Variants in HTR2C observed in about 807,000 individuals in gnomAD.
The protein encoded by HTR2C is 5-hydroxytryptamine receptor 2C.
Under a neutral mutation model 21.0 loss-of-function variants are expected in HTR2C, and 5 were observed. The observed-to-expected ratio is 0.24, with a 90% CI of 0.12 to 0.50. The LOEUF (loss-of-function observed/expected upper bound fraction) is 0.50. HTR2C is among the 20% of genes least tolerant of loss of function. The probability of loss-of-function intolerance (pLI) is 0.98; values close to 1 mark genes in which losing one functional copy is unlikely to be tolerated. For missense variants in HTR2C, 271 were observed against 371.2 expected, an observed-to-expected ratio of 0.73 and a Z score of 2.22; for synonymous variants, 150 against 145.3, an observed-to-expected ratio of 1.03 and a Z score of -0.23.
At chrX:114,723,409 T>C (rs1341124740) in intron 2 of HTR2C, among the ~76,000 whole-genome samples, 21 of 111,446 alleles carry the variant, frequency 1.9e-4, no homozygotes, top group Admixed American at 4.8e-4. Context: ...TCTCTCTTTT[T>C]TTCTTTATTA....
intron 5 of HTR2C, among the ~76,000 whole-genome samples, chrX:114,899,505 C>G (rs1190617791): frequency 4.5e-5 from 5 of 111,217 alleles, no homozygotes; most frequent in Non-Finnish European, 9.4e-5. Context: ...ACCCAAGGCC[C>G]TGGTGGCATA....
At chrX:114,719,338 GTTAT>G (rs1933109992) in intron 2 of HTR2C, among the ~76,000 whole-genome samples, 1 of 110,820 alleles carries the variant, frequency 9.0e-6, no homozygotes, top group South Asian at 3.7e-4. Flanking sequence ...TTCAGTTTCT[GTTAT>G]TGATTGATCT....
chrX:114,737,949 A>G (rs992900373), intron 4 of HTR2C, among the ~76,000 whole-genome samples: 1 of 112,578 alleles, frequency 8.9e-6, no homozygotes, highest in South Asian at 3.6e-4. Flanking sequence ...TGATACATAA[A>G]CCAGGTAAAG....
intron 4 of HTR2C, among the ~76,000 whole-genome samples, chrX:114,738,479 C>G (rs1333327121): frequency 9.0e-6 from 1 of 111,504 alleles, no homozygotes; most frequent in Admixed American, 9.5e-5. Context: ...CCACGACCAA[C>G]TGGGTGGTCA....
chrX:114,853,629 T>A (rs1325616629), intron 5 of HTR2C, among the ~76,000 whole-genome samples: 1 of 112,022 alleles, frequency 8.9e-6, no homozygotes, highest in African/African-American at 3.2e-5. Flanking sequence ...ATGCCATCTT[T>A]ATAGTATATT....
intron 2 of HTR2C, among the ~76,000 whole-genome samples, chrX:114,722,448 T>C (rs187356897): frequency 7.2e-4 from 80 of 111,368 alleles, no homozygotes; most frequent in Admixed American, 1.9e-3. Context: ...TATACAATCA[T>C]GTCATCTGCA....
In HTR2C at chrX:114,863,614, G is replaced by C. The variant is rs147895008; in HGVS notation, c.550+15411G>C. Among the ~76,000 whole-genome samples the C allele has an allele frequency of 7.2e-5, 8 of 111,565 alleles. No homozygotes were observed. In the East Asian group the frequency reaches 2.3e-3, roughly 31 times the overall value. ...GGAGAGGAATGTGTATTCTGCTGCT[G>C]TTGGATGTAAAGTTCTGTGTATGTT... On this transcript the variant is annotated intron_variant, in intron 5 of 5. Coordinates refer to ENST00000276198, the MANE Select transcript of HTR2C (RefSeq NM_000868.4).
At chrX:114,638,645 A>G (rs1290475983) in intron 2 of HTR2C, among the ~76,000 whole-genome samples, 1 of 103,245 alleles carries the variant, frequency 9.7e-6, no homozygotes. Context: ...ATCTAGCATT[A>G]GGTATATCTC....
chrX:114,588,248 T>C (rs1927483578), intron 1 of HTR2C, among the ~76,000 whole-genome samples: 1 of 112,214 alleles, frequency 8.9e-6, no homozygotes, highest in Non-Finnish European at 1.9e-5. Context: ...GTCCCTAAAT[T>C]AGTAGCCTTC....
intron 5 of HTR2C, among the ~76,000 whole-genome samples, chrX:114,854,549 C>T (rs1602880971): frequency 9.1e-6 from 1 of 110,283 alleles, no homozygotes; most frequent in Non-Finnish European, 1.9e-5. Context: ...AATTTCTCAT[C>T]CCTCTCACCA....
intron 4 of HTR2C, among the ~76,000 whole-genome samples, chrX:114,846,663 T>C (rs1556467589): frequency 8.9e-6 from 1 of 111,887 alleles, no homozygotes. Flanking sequence ...AAAATGTCCT[T>C]GACAGGCATT....
At chrX:114,711,792 G>T (rs1932896042) in intron 2 of HTR2C, among the ~76,000 whole-genome samples, 1 of 111,815 alleles carries the variant, frequency 8.9e-6, no homozygotes, top group Non-Finnish European at 1.9e-5. Context: ...TTAACATGAG[G>T]TAAAACTAAC....
chrX:114,663,168 G>C (rs781969571), intron 2 of HTR2C, among the ~76,000 whole-genome samples: 1 of 109,408 alleles, frequency 9.1e-6, no homozygotes, highest in South Asian at 3.9e-4. Context: ...TTTTTTGTTT[G>C]TTTGTATCTC....
chrX:114,665,162 T>C (rs1556410742), intron 2 of HTR2C, among the ~76,000 whole-genome samples: 3 of 111,668 alleles, frequency 2.7e-5, no homozygotes, highest in Non-Finnish European at 5.7e-5. Context: ...TTCAGGTTAC[T>C]TTTTTTTGGT....
chrX:114,760,762 A>T (rs1223469750), intron 4 of HTR2C, among the ~76,000 whole-genome samples: 3 of 111,253 alleles, frequency 2.7e-5, no homozygotes, highest in African/African-American at 9.8e-5. Flanking sequence ...GGCTCAAGCA[A>T]TCCTCCCACC....
intron 2 of HTR2C, among the ~76,000 whole-genome samples, chrX:114,627,708 A>G (rs1014398482): frequency 9.0e-6 from 1 of 111,730 alleles, no homozygotes; most frequent in Non-Finnish European, 1.9e-5. Context: ...TTTATGCCCC[A>G]TGCAGGCCCT....
At chrX:114,710,942 A>G (rs1263474125) in intron 2 of HTR2C, among the ~76,000 whole-genome samples, 1 of 111,822 alleles carries the variant, frequency 8.9e-6, no homozygotes, top group Non-Finnish European at 1.9e-5. Context: ...TCATGAGAGC[A>G]ACTTCCCAAT....
At chrX:114,890,612 G>A (rs2071251817) in intron 5 of HTR2C, among the ~76,000 whole-genome samples, 1 of 111,922 alleles carries the variant, frequency 8.9e-6, no homozygotes, top group African/African-American at 3.2e-5. Context: ...TAGTCTTACT[G>A]GATATAGAAT....
intron 2 of HTR2C, among the ~76,000 whole-genome samples, chrX:114,694,434 AATATAT>A (rs782501990): frequency 1.5e-3 from 133 of 91,648 alleles, no homozygotes; most frequent in Non-Finnish European, 1.8e-3. Context: ...TCCTCAACTA[AATATAT>A]ATATATATAT....
Sources: gnomAD v4.1 joint callset for allele counts (sites outside exome capture counted in the v4.1 genomes callset) on GRCh38, gnomAD v4.1.1 for gene constraint, MANE v1.5 for transcripts, NCBI Gene and HGNC (gene_info 2026-07-23, HGNC 2026-07-21) for gene names.